The following EIF4A3 variants were observed in gnomAD, a reference collection of about 807,000 sequenced individuals.
The protein encoded by EIF4A3 is eukaryotic initiation factor 4A-III.
EIF4A3 carries 1 observed loss-of-function variant against 55.6 expected under a neutral mutation model. The ratio of observed to expected loss-of-function variants is 0.02; its 90% CI spans 0.01 to 0.09. The LOEUF is 0.09. EIF4A3 is among the 10% of genes least tolerant of loss of function. The probability of loss-of-function intolerance (pLI) is 1.00; values close to 1 mark genes in which losing one functional copy is unlikely to be tolerated. For synonymous variants in EIF4A3, 194 were observed against 196.3 expected, an observed-to-expected ratio of 0.99 and a Z score of 0.10; for missense variants, 221 against 540.7, an observed-to-expected ratio of 0.41 and a Z score of 5.86.
Position 80,139,622 on chromosome 17 carries a change from G to A in EIF4A3, c.586+48C>T, listed in dbSNP as rs774781445. 20 of 1,514,644 alleles carry A rather than the reference G, an allele frequency of 1.3e-5. No homozygotes were observed. The South Asian group carries it at 2.3e-4, about 18-fold the overall frequency. 93.8% of individuals were successfully genotyped at this position (1,514,644 alleles called of 1,614,324 possible). On this transcript the variant is annotated intron_variant, in intron 6 of 11. Coordinates refer to ENST00000649764, the MANE Select transcript of EIF4A3 (RefSeq NM_014740.4). Reference sequence around the variant, plus strand: ...TCAATTTTACACTGTGAAAATTTAAGAACTAAGAATTATGTCAGTAGAAGA... The same window carrying A: ...TCAATTTTACACTGTGAAAATTTAAAAACTAAGAATTATGTCAGTAGAAGA...
In EIF4A3 at chr17:80,147,031, GC is replaced by G. The variant is rs2039673206; in HGVS notation, c.-71del. ...TCGCTGCCGCTGCCGACCTCGCTGT[GC>G]CGCTGCCGACCTCGCTGCCGCTGCC... On this transcript the variant is annotated 5_prime_UTR_variant, in exon 1 of 12. Coordinates refer to ENST00000649764, the MANE Select transcript of EIF4A3 (RefSeq NM_014740.4). 2.1e-5 allele frequency: 29 copies of G among 1,387,820 alleles called. No individual in the cohort carries two copies. Among genetic ancestry groups the G allele is most frequent in the Non-Finnish European group, 2.5e-5 (27 of 1,069,756 alleles). 86.0% of individuals were successfully genotyped at this position (1,387,820 alleles called of 1,614,324 possible).
intron 11 of EIF4A3, 47 bp downstream of exon 11, chr17:80,135,957 T>A: frequency 5.7e-6 from 9 of 1,587,552 alleles, no homozygotes; most frequent in Non-Finnish European, 7.7e-6. Flanking sequence ...AAACTAAGAA[T>A]AGGGAAGTTC....
At chr17:80,141,182 T>C (rs2039615388) in intron 4 of EIF4A3, 137 bp downstream of exon 4, 1 of 860,368 alleles carries the variant, frequency 1.2e-6, no homozygotes, top group South Asian at 2.1e-5. Flanking sequence ...TAATGATTAA[T>C]GGCAAAATGT....
chr17:80,137,632 T>A, intron 8 of EIF4A3, 131 bp from the exon 9 acceptor site: 1 of 705,326 alleles, frequency 1.4e-6, no homozygotes. Context: ...AAACTCAGAA[T>A]CATCCTAACT....
chr17:80,137,394 C>T lies in EIF4A3; in HGVS notation c.975G>A (p.Ser325=), dbSNP rs746097113. The T allele has an allele frequency of 1.5e-5, 24 of 1,613,272 alleles. No individual in the cohort carries two copies. Among genetic ancestry groups the T allele is most frequent in the South Asian group, 7.7e-5 (7 of 90,938 alleles). Residue 325 remains serine, a synonymous_variant, in exon 9 of 12, where the codon TCG becomes TCA. Transcript: ENST00000649764. Reference sequence around the variant, plus strand: ...CAGCATAGCAGACCCACCTGGCGCCCGACCGGAACTCCTTCATGATGGACT... The same window carrying T: ...CAGCATAGCAGACCCACCTGGCGCCTGACCGGAACTCCTTCATGATGGACT... ...ERESIMKEFR[S]GASRVLISTD...
intron 5 of EIF4A3, 114 bp downstream of exon 5, chr17:80,139,894 C>T (rs2039603583): frequency 2.2e-5 from 34 of 1,524,210 alleles, no homozygotes; most frequent in Non-Finnish European, 3.0e-5. Flanking sequence ...CTGCAAGTGA[C>T]CCAGGTGCAA....
chr17:80,139,139 C>T lies in EIF4A3; in HGVS notation c.610G>A (p.Val204Ile). 6.2e-7 allele frequency: 1 copy of T among 1,613,980 alleles called. No individual in the cohort carries two copies. The highest frequency in any genetic ancestry group is 8.5e-7 in the Non-Finnish European group (1 of 1,179,984). Residue 204 changes from valine (V) to isoleucine (I), a missense_variant, in exon 7 of 12, where the codon GTA (valine) becomes ATA (isoleucine). Physicochemically the swap from Val to Ile is conservative, Grantham distance 29. This residue lies in a region of EIF4A3 where 93 missense variants were observed against 278.5 expected (regional missense o/e 0.33). Transcript: ENST00000649764. ...NKGFKEQIYD[V>I]YRYLPPATQV... ...GTGGCTGGAGGCAGGTACCTGTATA[C>T]ATCGTAAATCTGCTCTTTGAAACCT...
intron 2 of EIF4A3, among the ~76,000 whole-genome samples, chr17:80,143,414 C>T (rs907096373): frequency 2.6e-5 from 4 of 152,112 alleles, no homozygotes; most frequent in Admixed American, 6.5e-5. Context: ...TCTAGAGATC[C>T]GAACTTATAA....
rs1336463298 is a variant in EIF4A3 at position 80,139,554 on chromosome 17, A to G, written c.586+116T>C. Reference sequence around the variant, plus strand: ...ATTGCCAAGGCACAATTGTTTTTCCACGATGAAAACACTATTCACATTCAG... The same window carrying G: ...ATTGCCAAGGCACAATTGTTTTTCCGCGATGAAAACACTATTCACATTCAG... On this transcript the variant is annotated intron_variant, in intron 6 of 11. Coordinates refer to ENST00000649764, the MANE Select transcript of EIF4A3 (RefSeq NM_014740.4). 4.4e-6 allele frequency: 4 copies of G among 911,588 alleles called. No homozygotes were observed. In the Admixed American group the frequency reaches 1.2e-4, roughly 27 times the overall value. The allele number at this position is 911,588 out of a possible 1,614,324, so 56.5% of individuals were successfully genotyped here.
Position 80,146,899 on chromosome 17 carries a change from T to G in EIF4A3, c.63A>C (p.Glu21Asp). 1 of 1,610,984 alleles carries G rather than the reference T, an allele frequency of 6.2e-7. No individual in the cohort carries two copies. Among genetic ancestry groups the G allele is most frequent in the Non-Finnish European group, 8.5e-7 (1 of 1,178,914 alleles). ...GSARKRLLKE[E>D]DMTKVEFETS... ...TCTCGAATTCCACTTTAGTCATGTC[T>G]TCCTCTTTGAGCAGCCGCTTTCGCG... Residue 21 changes from glutamate (E) to aspartate (D), a missense_variant, in exon 1 of 12, where the codon GAA becomes GAC. Physicochemically the swap from Glu to Asp is conservative, Grantham distance 45. Transcript: ENST00000649764.
intron 4 of EIF4A3, chr17:80,140,363 G>A: frequency 2.4e-6 from 1 of 420,080 alleles, no homozygotes; most frequent in South Asian, 4.2e-5. Flanking sequence ...GCCCATGCTG[G>A]GGGGCAGCAG....
intron 1 of EIF4A3, among the ~76,000 whole-genome samples, chr17:80,146,371 G>A (rs1225914152): frequency 6.6e-6 from 1 of 152,064 alleles, no homozygotes; most frequent in Non-Finnish European, 1.5e-5. Context: ...CCCCGCTTCA[G>A]GTTCTTCAGG....
chr17:80,141,007 G>A (rs946014841), intron 4 of EIF4A3, among the ~76,000 whole-genome samples: 1 of 151,938 alleles, frequency 6.6e-6, no homozygotes, highest in Non-Finnish European at 1.5e-5. Flanking sequence ...ATGTTGACCA[G>A]GCTGGTCTCA....
chr17:80,139,960 C>T, intron 5 of EIF4A3, 48 bp downstream of exon 5: 1 of 1,592,982 alleles, frequency 6.3e-7, no homozygotes, highest in South Asian at 1.1e-5. Flanking sequence ...TTAAGCACTT[C>T]TTACAAATAC....
chr17:80,138,351 G>A, intron 7 of EIF4A3, 71 bp from the exon 8 acceptor site: 3 of 1,576,566 alleles, frequency 1.9e-6, no homozygotes, highest in Admixed American at 3.4e-5. Flanking sequence ...GCCAAGCCAG[G>A]ATCCAGGGAG....
At position 80,147,019 on chromosome 17, in the gene EIF4A3, C is replaced by G; in HGVS notation, c.-58G>C. ...CCGCTGCCGACCTCGCTGCCGCTGC[C>G]GACCTCGCTGTGCCGCTGCCGACCT... is the stretch of plus-strand genomic sequence containing the variant. On this transcript the variant is annotated 5_prime_UTR_variant, in exon 1 of 12. Transcript: ENST00000649764. The G allele has an allele frequency of 7.0e-7, 1 of 1,423,154 alleles. No homozygotes were observed. Among genetic ancestry groups the G allele is most frequent in the Non-Finnish European group, 9.2e-7 (1 of 1,088,884 alleles). 88.2% of individuals were successfully genotyped at this position (1,423,154 alleles called of 1,614,324 possible). A position where few individuals can be genotyped will look rare whatever the true frequency, so the allele number is the denominator to read the frequency against.
chr17:80,136,810 G>GA lies in EIF4A3; in HGVS notation c.984-476dup, dbSNP rs3035988. 2.7e-3 allele frequency: 353 copies of GA among 132,636 alleles called. 1 individual carries two copies. Among genetic ancestry groups the GA allele is most frequent in the Middle Eastern group, 0.011 (3 of 268 alleles). 8.2% of individuals were successfully genotyped at this position (132,636 alleles called of 1,614,324 possible). On this transcript the variant is annotated intron_variant, in intron 9 of 11. Transcript: ENST00000649764. The stretch of plus-strand genomic sequence containing the variant: ...GTGAAACCCCATCTCTACTAAAAAT[G>GA]AAAAAAAAAAAAAAAAATTAGCCAT...
At position 80,136,347 on chromosome 17, in the gene EIF4A3, AAG is replaced by A. The variant is rs757956265; in HGVS notation, c.984-14_984-13del. 1.8e-5 allele frequency: 29 copies of A among 1,606,960 alleles called. No individual in the cohort carries two copies. The highest frequency in any genetic ancestry group is 1.3e-4 in the East Asian group (6 of 44,856). The stretch of plus-strand genomic sequence containing the variant: ...AAATAAGCACTCGGCTGCAAAAAGA[AAG>A]AGTGTTTGAGGCGATTAAATTACTC... On this transcript the variant is annotated splice_polypyrimidine_tract_variant and intron_variant, in intron 9 of 11. Coordinates refer to ENST00000649764, the MANE Select transcript of EIF4A3 (RefSeq NM_014740.4).
rs1451689018 is a variant in EIF4A3, at chr17:80,147,047, CTGCCGCTGCCGACCTCGCTG to C, written c.-106_-87del. ...CCTCGCTGTGCCGCTGCCGACCTCG[CTGCCGCTGCCGACCTCGCTG>C]TGCCGCTGCCGACCTCGCTGTGCCG... On this transcript the variant is annotated 5_prime_UTR_variant, in exon 1 of 12. Coordinates refer to ENST00000649764, the MANE Select transcript of EIF4A3 (RefSeq NM_014740.4). 20,550 of 1,156,746 alleles carry C rather than the reference CTGCCGCTGCCGACCTCGCTG, an allele frequency of 0.018. 1,368 individuals carry two copies. Among genetic ancestry groups the C allele is most frequent in the East Asian group, 0.023 (550 of 23,596 alleles). The allele number at this position is 1,156,746 out of a possible 1,614,324, so 71.7% of individuals were successfully genotyped here. A position where few individuals can be genotyped will look rare whatever the true frequency, so the allele number is the denominator to read the frequency against.
Sources: allele counts gnomAD v4.1 joint callset (sites outside exome capture counted in the v4.1 genomes callset), GRCh38; gene constraint gnomAD v4.1.1; regional missense constraint gnomAD v4.1.1; transcripts MANE v1.5; gene names NCBI Gene and HGNC (gene_info 2026-07-23, HGNC 2026-07-21).